The following RASAL2 variants were observed in gnomAD, a reference collection of about 807,000 sequenced individuals.
RASAL2 encodes RAS protein activator like 2.
RASAL2 carries 58 observed loss-of-function variants against 128.9 expected under a neutral mutation model. The ratio of observed to expected loss-of-function variants is 0.45; its 90% confidence interval spans 0.36 to 0.56. The LOEUF (loss-of-function observed/expected upper bound fraction) is 0.56. Ranked by LOEUF, RASAL2 falls within the 20% of genes least tolerant of loss-of-function variation. The probability of loss-of-function intolerance (pLI) is 0.00; values close to 1 mark genes in which losing one functional copy is unlikely to be tolerated. For missense variants in RASAL2, 1,360 were observed against 1,601.6 expected (o/e 0.85, Z 2.57); for synonymous variants, 561 against 580.8 (o/e 0.97, Z 0.49).
chr1:178,451,829 A>AG (rs1677395618), intron 10 of RASAL2, 114 bp downstream of exon 10: 2 of 1,318,562 alleles, frequency 1.5e-6, no homozygotes, highest in Non-Finnish European at 2.1e-6. Context: ...TTACAACCAA[A>AG]GGGGAGGGTC....
chr1:178,337,642 T>G (rs188925629), intron 3 of RASAL2, among the ~76,000 whole-genome samples: 33 of 152,270 alleles, frequency 2.2e-4, no homozygotes, highest in African/African-American at 7.5e-4. Context: ...CTTTGAGATG[T>G]GTTTTCTGCT....
intron 3 of RASAL2, among the ~76,000 whole-genome samples, chr1:178,328,976 C>T (rs1342809658): frequency 6.6e-6 from 1 of 152,176 alleles, no homozygotes; most frequent in Non-Finnish European, 1.5e-5. Context: ...ATTGACTTAG[C>T]AAATTGCCTA....
chr1:178,414,388 T>TGC (rs1674616998), intron 4 of RASAL2, among the ~76,000 whole-genome samples: 1 of 152,176 alleles, frequency 6.6e-6, no homozygotes, highest in South Asian at 2.1e-4. Flanking sequence ...TGTGGATACA[T>TGC]ATCACCATGC....
chr1:178,345,888 G>C (rs1670125973), intron 3 of RASAL2, among the ~76,000 whole-genome samples: 1 of 152,122 alleles, frequency 6.6e-6, no homozygotes, highest in African/African-American at 2.4e-5. Flanking sequence ...TGTACCAAGA[G>C]CTCATTTCGA....
intron 5 of RASAL2, among the ~76,000 whole-genome samples, chr1:178,426,476 A>G (rs1220378488): frequency 1.3e-5 from 2 of 152,168 alleles, no homozygotes; most frequent in Non-Finnish European, 2.9e-5. Flanking sequence ...CTCTGTCTCA[A>G]TAATAGTAAT....
At chr1:178,411,996 G>A (rs1674424218) in intron 4 of RASAL2, 9 of 551,646 alleles carry the variant, frequency 1.6e-5, no homozygotes, top group Admixed American at 8.3e-5. Flanking sequence ...AAGTGGGGTC[G>A]CTGTGGTCAC....
intron 4 of RASAL2, among the ~76,000 whole-genome samples, chr1:178,393,136 C>G (rs1673009960): frequency 6.6e-6 from 1 of 152,044 alleles, no homozygotes; most frequent in Non-Finnish European, 1.5e-5. Context: ...GCACCAGGGA[C>G]CAGTTTTGTG....
chr1:178,156,582 G>A (rs555445343), intron 1 of RASAL2, among the ~76,000 whole-genome samples: 1 of 152,130 alleles, frequency 6.6e-6, no homozygotes, highest in Non-Finnish European at 1.5e-5. Context: ...AAATACACGT[G>A]AAAGTGTATA....
intron 1 of RASAL2, among the ~76,000 whole-genome samples, chr1:178,163,020 G>C (rs1427579342): frequency 6.6e-6 from 1 of 152,056 alleles, no homozygotes; most frequent in Non-Finnish European, 1.5e-5. Flanking sequence ...GCCCAGGCTG[G>C]AGTGCGGTGG....
intron 1 of RASAL2, among the ~76,000 whole-genome samples, chr1:178,219,863 C>G (rs1663555999): frequency 6.6e-6 from 1 of 151,962 alleles, no homozygotes; most frequent in African/African-American, 2.4e-5. Context: ...CCCTCCAAAT[C>G]TTGTGTTAAA....
At chr1:178,405,763 T>C (rs1673964119) in intron 4 of RASAL2, among the ~76,000 whole-genome samples, 1 of 152,222 alleles carries the variant, frequency 6.6e-6, no homozygotes. Flanking sequence ...CCACATTTGT[T>C]TTAATTTGTT....
chr1:178,386,954 G>A (rs1252003152), intron 3 of RASAL2, among the ~76,000 whole-genome samples: 1 of 152,142 alleles, frequency 6.6e-6, no homozygotes, highest in Admixed American at 6.6e-5. Flanking sequence ...AAAGTTAAAG[G>A]CACAAGTTTA....
chr1:178,452,766 T>G (rs12691482), intron 11 of RASAL2, 114 bp downstream of exon 11: 130,432 of 823,280 alleles, frequency 0.16, 15,942 homozygotes, highest in African/African-American at 0.55. Flanking sequence ...TTTCACTGTG[T>G]TATTAATAAA....
At chr1:178,228,397 T>G (rs756078142) in intron 1 of RASAL2, among the ~76,000 whole-genome samples, 1 of 151,866 alleles carries the variant, frequency 6.6e-6, no homozygotes, top group African/African-American at 2.4e-5. Context: ...CTGGCCAAGA[T>G]GGTGAAACCC....
At chr1:178,276,630 G>A (rs1338591229) in intron 1 of RASAL2, among the ~76,000 whole-genome samples, 2 of 151,592 alleles carry the variant, frequency 1.3e-5, no homozygotes, top group African/African-American at 4.8e-5. Flanking sequence ...TCCTGCCTTA[G>A]CCTCCCAAAC....
intron 1 of RASAL2, among the ~76,000 whole-genome samples, chr1:178,227,211 C>A (rs1223112685): frequency 1.3e-5 from 2 of 151,954 alleles, no homozygotes; most frequent in African/African-American, 4.8e-5. Flanking sequence ...AAAAAAACAC[C>A]CTATTTATTT....
chr1:178,460,610 T>G (rs1305931987), intron 14 of RASAL2, among the ~76,000 whole-genome samples: 1 of 151,694 alleles, frequency 6.6e-6, no homozygotes, highest in Non-Finnish European at 1.5e-5. Context: ...CCAAATATAT[T>G]TTTTGGCATG....
At chr1:178,343,588 T>C (rs9970960) in intron 3 of RASAL2, among the ~76,000 whole-genome samples, 7,274 of 152,252 alleles carry the variant, frequency 0.048, 580 homozygotes, top group African/African-American at 0.16. Flanking sequence ...TGAGTATATT[T>C]TCTGATGCCA....
rs969278596 is a variant in RASAL2 at position 178,094,411 on chromosome 1, C to T, written c.-82C>T. ...GCCCTCGCTGCGCGCTCTCCTCCTCCCCTTACCGCAGGCAGGGCGCGGAGC... is the reference window on the plus strand; with the variant it reads ...GCCCTCGCTGCGCGCTCTCCTCCTCTCCTTACCGCAGGCAGGGCGCGGAGC... On this transcript the variant is annotated 5_prime_UTR_variant, in exon 1 of 18. Coordinates refer to ENST00000367649, the MANE Select transcript of RASAL2 (RefSeq NM_170692.4). The T allele has an allele frequency of 3.0e-6, 4 of 1,321,668 alleles. No homozygotes were observed. The highest frequency in any genetic ancestry group is 5.3e-5 in the Admixed American group (2 of 37,926). 81.9% of individuals were successfully genotyped at this position (1,321,668 alleles called of 1,614,324 possible). A position where few individuals can be genotyped will look rare whatever the true frequency, so the allele number is the denominator to read the frequency against.
Sources: gnomAD v4.1 joint callset for allele counts (sites outside exome capture counted in the v4.1 genomes callset) on GRCh38, gnomAD v4.1.1 for gene constraint, MANE v1.5 for transcripts, NCBI Gene and HGNC (gene_info 2026-07-23, HGNC 2026-07-21) for gene names.